FAM111A: variants seen among roughly 807,000 people sequenced by gnomAD.
The protein encoded by FAM111A is FAM111 trypsin like peptidase A, also known as serine protease FAM111A.
In FAM111A, 8 loss-of-function variants were observed where a neutral mutation model predicts 3.3. The ratio of observed to expected loss-of-function variants is 2.39; its 90% CI spans 1.40 to 4.32. The LOEUF (loss-of-function observed/expected upper bound fraction) is 4.32, where lower values mean the gene tolerates loss of function less well. Among genes scored for constraint, FAM111A ranks in the 30% most tolerant of loss-of-function variants. The probability of loss-of-function intolerance (pLI) is 0.00; values close to 1 mark genes in which losing one functional copy is unlikely to be tolerated. For synonymous variants in FAM111A, 227 were observed against 243.1 expected (o/e 0.93, Z 0.62); for missense variants, 683 against 727.6 (o/e 0.94, Z 0.71).
At chr11:59,149,482 C>G (rs1398951024) in intron 5 of FAM111A, among the ~76,000 whole-genome samples, 1 of 152,112 alleles carries the variant, frequency 6.6e-6, no homozygotes, top group Non-Finnish European at 1.5e-5. Flanking sequence ...AGTTGTAATA[C>G]AAATCTTGGC....
intron 5 of FAM111A, among the ~76,000 whole-genome samples, chr11:59,151,495 A>C (rs1372663991): frequency 6.6e-6 from 1 of 152,182 alleles, no homozygotes; most frequent in East Asian, 1.9e-4. Flanking sequence ...CACCTGGGAA[A>C]AAATTTTTTC....
In FAM111A at chr11:59,154,794, G is replaced by C. The variant is rs1292942267; in HGVS notation, c.*1290G>C. ...CTGCTGTTTGACTCCTGCATACCAAGATATTCTGCAGCAATGTCTTTAAAC... is the reference window on the plus strand; with the variant it reads ...CTGCTGTTTGACTCCTGCATACCAACATATTCTGCAGCAATGTCTTTAAAC... On this transcript the variant is annotated 3_prime_UTR_variant, in exon 6 of 6. Coordinates refer to ENST00000675163, the MANE Select transcript of FAM111A (RefSeq NM_001312909.2). The C allele has an allele frequency of 6.5e-6, 1 of 152,926 alleles. No homozygotes were observed. Among genetic ancestry groups the C allele is most frequent in the African/African-American group, 2.4e-5 (1 of 41,446 alleles). The allele number at this position is 152,926 out of a possible 1,614,324, so 9.5% of individuals were successfully genotyped here.
chr11:59,148,642 G>A (rs138273127), intron 4 of FAM111A, 155 bp from the exon 5 acceptor site: 57 of 478,258 alleles, frequency 1.2e-4, no homozygotes, highest in East Asian at 1.1e-3. Context: ...CAGTGTTCTC[G>A]AAAAGAGAGC....
At chr11:59,149,393 AG>A (rs1476925144) in intron 5 of FAM111A, among the ~76,000 whole-genome samples, 18 of 152,266 alleles carry the variant, frequency 1.2e-4, no homozygotes, top group African/African-American at 4.1e-4. Context: ...AATTACCTTG[AG>A]TGTTGGGCAT....
At chr11:59,145,275 G>A (rs2135429924) in intron 3 of FAM111A, 1 of 152,466 alleles carries the variant, frequency 6.6e-6, no homozygotes, top group Non-Finnish European at 1.5e-5. Flanking sequence ...AAGGGAGAGA[G>A]GCAGAGAGGG....
chr11:59,145,823 C>G lies in FAM111A; in HGVS notation c.-106-4C>G, dbSNP rs929965691. The stretch of plus-strand genomic sequence containing the variant: ...AATTGTACATTTTCTATTTTTTTTC[C>G]TAGGTTCTCTGCTGTTTAAAAAGTA... On this transcript the variant is annotated splice_polypyrimidine_tract_variant and splice_region_variant and intron_variant, in intron 3 of 5. Transcript: ENST00000675163. 1.3e-5 allele frequency: 2 copies of G among 151,830 alleles called. No individual in the cohort carries two copies. The highest frequency in any genetic ancestry group is 2.9e-5 in the Non-Finnish European group (2 of 67,968). 9.4% of individuals were successfully genotyped at this position (151,830 alleles called of 1,614,324 possible).
chr11:59,145,845 A>C lies in FAM111A; in HGVS notation c.-88A>C, dbSNP rs1490649401. On this transcript the variant is annotated 5_prime_UTR_variant, in exon 4 of 6. Transcript: ENST00000675163. The stretch of plus-strand genomic sequence containing the variant: ...TTCCTAGGTTCTCTGCTGTTTAAAA[A>C]GTATCCCTGTGGTGAGTGTATTGAT... 1 of 152,122 alleles carries C rather than the reference A, an allele frequency of 6.6e-6. No homozygotes were observed. The highest frequency in any genetic ancestry group is 2.4e-5 in the African/African-American group (1 of 41,406). 9.4% of individuals were successfully genotyped at this position (152,122 alleles called of 1,614,324 possible).
At position 59,151,959 on chromosome 11, in the gene FAM111A, A is replaced by G. The variant is rs79022489; in HGVS notation, c.291A>G (p.Thr97=). ...ACCAAGATATGAAACTTAAGCTCACACATAGTGAGAATAGTAGCTTATATA... is the reference window on the plus strand; with the variant it reads ...ACCAAGATATGAAACTTAAGCTCACGCATAGTGAGAATAGTAGCTTATATA... ...RRNQDMKLKL[T]HSENSSLYMA... The change falls in exon 6 of 6, where the codon ACA becomes ACG. Residue 97 remains threonine, a synonymous_variant. Transcript: ENST00000675163. The G allele has an allele frequency of 7.4e-4, 1,202 of 1,614,160 alleles. 12 individuals carry two copies. In the African/African-American group the frequency reaches 0.014, roughly 19 times the overall value.
rs1860432527 is a variant in FAM111A at position 59,143,501 on chromosome 11, C to T, written c.-301C>T. ...GGATGTGTCTTTCTTTTGCAGTGCCCAAGCCTGTTCTAATTTTTAAAAACT... is the reference window on the plus strand; with the variant it reads ...GGATGTGTCTTTCTTTTGCAGTGCCTAAGCCTGTTCTAATTTTTAAAAACT... On this transcript the variant is annotated 5_prime_UTR_variant, in exon 3 of 6. Coordinates refer to ENST00000675163, the MANE Select transcript of FAM111A (RefSeq NM_001312909.2). 1 of 151,190 alleles carries T rather than the reference C, an allele frequency of 6.6e-6. No individual in the cohort carries two copies. The highest frequency in any genetic ancestry group is 1.5e-5 in the Non-Finnish European group (1 of 68,036). The allele number at this position is 151,190 out of a possible 1,614,324, so 9.4% of individuals were successfully genotyped here.
chr11:59,151,452 C>T (rs763444265), intron 5 of FAM111A, among the ~76,000 whole-genome samples: 3 of 152,204 alleles, frequency 2.0e-5, no homozygotes, highest in Non-Finnish European at 4.4e-5. Context: ...TGCCCGGCCA[C>T]TAGTGAACTT....
intron 5 of FAM111A, among the ~76,000 whole-genome samples, chr11:59,149,546 C>A (rs1048348324): frequency 6.6e-6 from 1 of 152,094 alleles, no homozygotes; most frequent in African/African-American, 2.4e-5. Flanking sequence ...TGAATAACAA[C>A]AAAAACTTCA....
intron 4 of FAM111A, among the ~76,000 whole-genome samples, chr11:59,146,369 C>A (rs1473444282): frequency 6.6e-5 from 10 of 151,744 alleles, no homozygotes; most frequent in African/African-American, 2.2e-4. Context: ...CAGGCATGAG[C>A]TACCGCACCC....
chr11:59,151,667 T>C, intron 5 of FAM111A, 83 bp from the exon 6 acceptor site: 1 of 1,022,256 alleles, frequency 9.8e-7, no homozygotes, highest in South Asian at 1.6e-5. Flanking sequence ...CTCATAGGAA[T>C]TTTGTGAATT....
intron 5 of FAM111A, among the ~76,000 whole-genome samples, chr11:59,151,447 G>A (rs925913170): frequency 3.9e-5 from 6 of 152,166 alleles, no homozygotes; most frequent in East Asian, 1.9e-4. Context: ...CACCATGCCC[G>A]GCCACTAGTG....
At position 59,146,814 on chromosome 11, in the gene FAM111A, C is replaced by G. The variant is rs535659330; in HGVS notation, c.-77+958C>G. Among the ~76,000 whole-genome samples the G allele has an allele frequency of 7.2e-5, 11 of 152,318 alleles. No individual in the cohort carries two copies. In the South Asian group the frequency reaches 2.3e-3, roughly 32 times the overall value. On this transcript the variant is annotated intron_variant, in intron 4 of 5. Transcript: ENST00000675163. ...TGAACATTCTATAGAGACAATTTCTCTGTTCTCTTCAACAAATCAGTGCTT... is the reference window on the plus strand; with the variant it reads ...TGAACATTCTATAGAGACAATTTCTGTGTTCTCTTCAACAAATCAGTGCTT...
chr11:59,149,148 T>C, intron 5 of FAM111A, 195 bp downstream of exon 5: 1 of 553,026 alleles, frequency 1.8e-6, no homozygotes, highest in Middle Eastern at 4.7e-4. Flanking sequence ...TATTACCTAA[T>C]ACAAGGTAAA....
intron 4 of FAM111A, among the ~76,000 whole-genome samples, chr11:59,146,955 A>G (rs1416046361): frequency 2.0e-5 from 3 of 152,228 alleles, no homozygotes; most frequent in African/African-American, 7.2e-5. Flanking sequence ...TAATTTTTAG[A>G]GATGGGAAGT....
At position 59,148,706 on chromosome 11, in the gene FAM111A, A is replaced by G. The variant is rs549380909; in HGVS notation, c.-76-91A>G. 1.2e-5 allele frequency: 7 copies of G among 574,660 alleles called. No individual in the cohort carries two copies. The South Asian group carries it at 1.7e-4, about 14-fold the overall frequency. The allele number at this position is 574,660 out of a possible 1,614,324, so 35.6% of individuals were successfully genotyped here. On this transcript the variant is annotated intron_variant, in intron 4 of 5. Transcript: ENST00000675163. ...GAATAAACTATCTATTTGCTAAGGT[A>G]CCATCTCCAGGGAGAGCAAGGTTGG...
chr11:59,145,692 C>T (rs926926155), intron 3 of FAM111A, 135 bp from the exon 4 acceptor site: 4 of 152,110 alleles, frequency 2.6e-5, no homozygotes, highest in Admixed American at 2.0e-4. Context: ...TCTCAAACTT[C>T]GTAAGATGAG....
Sources: allele counts gnomAD v4.1 joint callset (sites outside exome capture counted in the v4.1 genomes callset), GRCh38; gene constraint gnomAD v4.1.1; transcripts MANE v1.5; gene names NCBI Gene and HGNC (gene_info 2026-07-23, HGNC 2026-07-21).